The following ARHGEF3 variants were observed in gnomAD, a reference collection of about 807,000 sequenced individuals.
ARHGEF3 encodes Rho guanine nucleotide exchange factor 3, also known as 59.8 kDA protein.
A neutral mutation model predicts 63.2 loss-of-function variants in ARHGEF3; 28 were observed. The observed-to-expected ratio is 0.44, with a 90% CI of 0.33 to 0.61. ARHGEF3 has a LOEUF of 0.61. Among genes scored for constraint, ARHGEF3 ranks in the 20% least tolerant of loss-of-function variants. ARHGEF3 has a pLI of 0.03. For missense variants in ARHGEF3, 533 were observed against 659.3 expected (o/e 0.81, Z 2.10); for synonymous variants, 266 against 254.2 (o/e 1.05, Z -0.44).
At chr3:57,025,689 T>C (rs73091911) in intron 2 of ARHGEF3, among the ~76,000 whole-genome samples, 1,745 of 152,320 alleles carry the variant, frequency 0.011, 22 homozygotes, top group Middle Eastern at 0.017. Flanking sequence ...ACCCTTGTTT[T>C]TGCTCCCTCT....
rs1410825594 is a variant in ARHGEF3 at position 57,001,915 on chromosome 3, G to GTTTTTTTTTTTTTTTTT, written c.62+33172_62+33173insAAAAAAAAAAAAAAAAA. Among the ~76,000 whole-genome samples, 3 of 53,718 alleles carry GTTTTTTTTTTTTTTTTT rather than the reference G, an allele frequency of 5.6e-5. 1 individual carries two copies. The highest frequency in any genetic ancestry group is 3.4e-5 in the Non-Finnish European group (1 of 29,174). The allele number at this position is 53,718 out of a possible 152,430, so 35.2% of individuals were successfully genotyped here. On this transcript the variant is annotated intron_variant, in intron 2 of 12. Transcript: ENST00000338458. ...AAATCCTAAAACCCAAAGTGAGATA[G>GTTTTTTTTTTTTTTTTT]TTTTTTTTTTTTTTGTTTTTTGTTT...
At chr3:57,054,014 T>G (rs1704792496) in intron 1 of ARHGEF3, among the ~76,000 whole-genome samples, 1 of 152,232 alleles carries the variant, frequency 6.6e-6, no homozygotes, top group African/African-American at 2.4e-5. Context: ...CTCTTGGGTA[T>G]ATATCTAAAA....
At chr3:56,893,104 T>C (rs1002231373) in intron 3 of ARHGEF3, among the ~76,000 whole-genome samples, 1 of 152,254 alleles carries the variant, frequency 6.6e-6, no homozygotes, top group African/African-American at 2.4e-5. Flanking sequence ...ACAACTTCAG[T>C]TGCCAAAATT....
intron 4 of ARHGEF3, among the ~76,000 whole-genome samples, chr3:56,854,467 C>T (rs771466912): frequency 1.8e-4 from 27 of 152,068 alleles, no homozygotes; most frequent in Non-Finnish European, 2.8e-4. Flanking sequence ...AGTGGTGAAG[C>T]GGGAACCCAA....
intron 3 of ARHGEF3, among the ~76,000 whole-genome samples, chr3:56,911,612 T>G (rs539534088): frequency 1.9e-4 from 29 of 152,246 alleles, no homozygotes; most frequent in African/African-American, 6.3e-4. Flanking sequence ...CTAGTTTGAA[T>G]CAACTTCCCC....
chr3:57,038,257 A>C (rs1467955015), intron 1 of ARHGEF3, among the ~76,000 whole-genome samples: 2 of 152,228 alleles, frequency 1.3e-5, no homozygotes, highest in Non-Finnish European at 2.9e-5. Context: ...GAATAAACAA[A>C]AAATTTCAAA....
intron 6 of ARHGEF3, among the ~76,000 whole-genome samples, chr3:56,750,737 C>T (rs1271975204): frequency 7.0e-6 from 1 of 142,300 alleles, no homozygotes. Context: ...ATTATGTTAG[C>T]GATTGGCCTG....
intron 2 of ARHGEF3, among the ~76,000 whole-genome samples, chr3:57,016,630 T>C (rs1703016727): frequency 6.6e-6 from 1 of 152,108 alleles, no homozygotes; most frequent in East Asian, 1.9e-4. Flanking sequence ...ACTTCTCGAA[T>C]GTGTGGAGAG....
chr3:57,029,389 A>G (rs1048596241), intron 2 of ARHGEF3, among the ~76,000 whole-genome samples: 3 of 151,940 alleles, frequency 2.0e-5, no homozygotes, highest in Admixed American at 6.6e-5. Context: ...AGATCATGCC[A>G]CTACACTCCA....
At chr3:56,788,204 G>C (rs984398661) in intron 1 of ARHGEF3, among the ~76,000 whole-genome samples, 19 of 152,258 alleles carry the variant, frequency 1.2e-4, no homozygotes, top group Non-Finnish European at 2.2e-4. Context: ...CTTGAGGACT[G>C]GGGGGTGGCG....
intron 2 of ARHGEF3, among the ~76,000 whole-genome samples, chr3:57,013,771 G>A (rs1185712752): frequency 1.3e-5 from 2 of 152,152 alleles, no homozygotes; most frequent in East Asian, 3.8e-4. Context: ...TCTAGCTCAG[G>A]GATTGTAAAC....
upstream of ARHGEF3, among the ~76,000 whole-genome samples, chr3:56,806,561 G>A (rs952297568): frequency 6.6e-6 from 1 of 152,270 alleles, no homozygotes; most frequent in Non-Finnish European, 1.5e-5. Context: ...AATAAAGAGG[G>A]CTGTTCTGCA....
At chr3:56,935,913 G>A (rs1578882685) in intron 3 of ARHGEF3, among the ~76,000 whole-genome samples, 1 of 152,250 alleles carries the variant, frequency 6.6e-6, no homozygotes, top group South Asian at 2.1e-4. Context: ...AGCTACATAT[G>A]ATTTCAGATG....
intron 4 of ARHGEF3, among the ~76,000 whole-genome samples, chr3:56,880,888 A>C (rs137974616): frequency 6.6e-6 from 1 of 152,216 alleles, no homozygotes; most frequent in Admixed American, 6.5e-5. Flanking sequence ...AACTGGCCCA[A>C]CTCCATCAAT....
At chr3:57,048,064 CT>C (rs1704533262) in intron 1 of ARHGEF3, among the ~76,000 whole-genome samples, 1 of 152,158 alleles carries the variant, frequency 6.6e-6, no homozygotes, top group Non-Finnish European at 1.5e-5. Flanking sequence ...ACTTCAGCCC[CT>C]TCCTGCTGGC....
At chr3:56,744,547 T>C (rs2034259977) in intron 7 of ARHGEF3, among the ~76,000 whole-genome samples, 1 of 152,046 alleles carries the variant, frequency 6.6e-6, no homozygotes, top group African/African-American at 2.4e-5. Context: ...TATAGGCATA[T>C]GCCACCTCGC....
intron 4 of ARHGEF3, among the ~76,000 whole-genome samples, chr3:56,863,176 T>C (rs1391666931): frequency 6.6e-6 from 1 of 151,938 alleles, no homozygotes; most frequent in Non-Finnish European, 1.5e-5. Context: ...CTCACTCTGT[T>C]GCCCAGGCTG....
chr3:56,893,615 G>A (rs1459113431), intron 3 of ARHGEF3, among the ~76,000 whole-genome samples: 1 of 152,106 alleles, frequency 6.6e-6, no homozygotes, highest in Non-Finnish European at 1.5e-5. Context: ...AGACCAGCCT[G>A]ACCAACATGG....
At chr3:56,795,879 C>A (rs1305925793) in intron 1 of ARHGEF3, among the ~76,000 whole-genome samples, 2 of 151,750 alleles carry the variant, frequency 1.3e-5, no homozygotes, top group African/African-American at 4.8e-5. Flanking sequence ...ACCTCGTGAT[C>A]CGACCACCTC....
Sources: allele counts gnomAD v4.1 joint callset (sites outside exome capture counted in the v4.1 genomes callset), GRCh38; gene constraint gnomAD v4.1.1; transcripts MANE v1.5; gene names NCBI Gene and HGNC (gene_info 2026-07-23, HGNC 2026-07-21).